The following PHTF1 variants were observed in gnomAD, a reference collection of about 807,000 sequenced individuals.
PHTF1 encodes the protein protein PHTF1.
A neutral mutation model predicts 102.4 loss-of-function variants in PHTF1; 88 were observed. The ratio of observed to expected loss-of-function variants is 0.86; its 90% CI spans 0.72 to 1.03. The LOEUF is 1.03. PHTF1 is among the 50% of genes least tolerant of loss of function. The pLI, the probability that PHTF1 is intolerant of heterozygous loss-of-function variation, is 0.00. For synonymous variants in PHTF1, 289 were observed against 305.2 expected (o/e 0.95, Z 0.55); for missense variants, 814 against 909.5 (o/e 0.89, Z 1.35).
chr1:113,711,880 G>A, intron 9 of PHTF1, 45 bp from the exon 10 acceptor site: 2 of 1,601,176 alleles, frequency 1.2e-6, no homozygotes, highest in Non-Finnish European at 1.7e-6. Context: ...TATGTTAAAT[G>A]CTTTGTTACT....
Position 113,702,110 on chromosome 1 carries a change from G to A in PHTF1, c.1891-1161C>T, listed in dbSNP as rs956315502. ...GGTTTTAAAATATATGTAAAATTAA[G>A]GTGAAGGACAATAATACAAAAGGTG... is the stretch of plus-strand genomic sequence containing the variant. On this transcript the variant is annotated intron_variant, in intron 15 of 18. Coordinates refer to ENST00000369604, the MANE Select transcript of PHTF1 (RefSeq NM_001323043.2). Among the ~76,000 whole-genome samples, 4 of 152,006 alleles carry A rather than the reference G, an allele frequency of 2.6e-5. No homozygotes were observed. In the South Asian group the frequency reaches 8.3e-4, roughly 32 times the overall value.
chr1:113,737,568 A>G (rs1426123772), intron 5 of PHTF1, among the ~76,000 whole-genome samples: 5 of 152,300 alleles, frequency 3.3e-5, no homozygotes, highest in Non-Finnish European at 5.9e-5. Flanking sequence ...CACATCTGTA[A>G]TCCCAACACT....
intron 17 of PHTF1, among the ~76,000 whole-genome samples, chr1:113,698,656 C>T (rs1029467370): frequency 2.0e-5 from 3 of 148,540 alleles, no homozygotes; most frequent in African/African-American, 5.0e-5. Flanking sequence ...CACACACACA[C>T]ACATACACAC....
At position 113,698,243 on chromosome 1, in the gene PHTF1, G is replaced by A. The variant is rs1649013800; in HGVS notation, c.2268+19C>T. ...TAATTTTTAAGACTAGGATGCTACA[G>A]AGTGGTGGTGATACTTACTCTTATA... is the stretch of plus-strand genomic sequence containing the variant. On this transcript the variant is annotated intron_variant, in intron 18 of 18. Transcript: ENST00000369604. The A allele has an allele frequency of 1.3e-6, 2 of 1,588,870 alleles. No individual in the cohort carries two copies. The highest frequency in any genetic ancestry group is 4.5e-5 in the East Asian group (2 of 44,442).
chr1:113,706,256 A>G lies in PHTF1; in HGVS notation c.1399-94T>C, dbSNP rs966559676. On this transcript the variant is annotated intron_variant, in intron 12 of 18. Coordinates refer to ENST00000369604, the MANE Select transcript of PHTF1 (RefSeq NM_001323043.2). ...AAACACTATTTAGACTATTAAAAACACATTCTAAAAGTATAAATACAAATG... is the reference window on the plus strand; with the variant it reads ...AAACACTATTTAGACTATTAAAAACGCATTCTAAAAGTATAAATACAAATG... The G allele has an allele frequency of 4.8e-6, 5 of 1,047,034 alleles. No individual in the cohort carries two copies. The Admixed American group carries it at 1.0e-4, about 21-fold the overall frequency. 64.9% of individuals were successfully genotyped at this position (1,047,034 alleles called of 1,614,324 possible).
In PHTF1 at chr1:113,726,538, A is replaced by T. The variant is rs754919943; in HGVS notation, c.368T>A (p.Val123Glu). ...AIVLYLMMPI[V>E]NISEVLGPLC... Reference sequence around the variant, plus strand: ...GGGTCCAAGTACTTCACTTATGTTCACAATAGGCATCATCAAATATAAGAC... The same window carrying T: ...GGGTCCAAGTACTTCACTTATGTTCTCAATAGGCATCATCAAATATAAGAC... The change falls in exon 6 of 19, where the codon GTG becomes GAG. Residue 123 changes from valine (V) to glutamate (E), a missense_variant. By Grantham distance (121) the Val-to-Glu change is moderately radical. Coordinates refer to ENST00000369604, the MANE Select transcript of PHTF1 (RefSeq NM_001323043.2). The T allele has an allele frequency of 1.9e-6, 3 of 1,602,380 alleles. No homozygotes were observed. In the South Asian group the frequency reaches 3.4e-5, roughly 18 times the overall value.
intron 5 of PHTF1, among the ~76,000 whole-genome samples, chr1:113,727,191 T>C (rs1415854395): frequency 2.0e-5 from 3 of 152,196 alleles, no homozygotes; most frequent in Non-Finnish European, 2.9e-5. Flanking sequence ...CTATACAAAC[T>C]ATTCCTGTGC....
intron 17 of PHTF1, 26 bp from the exon 18 acceptor site, chr1:113,698,413 A>G: frequency 1.9e-6 from 3 of 1,606,906 alleles, no homozygotes; most frequent in South Asian, 1.1e-5. Context: ...AAGAATTGAA[A>G]TGAGATACAT....
chr1:113,724,444 G>A (rs1006116518), intron 7 of PHTF1, among the ~76,000 whole-genome samples: 2 of 151,728 alleles, frequency 1.3e-5, no homozygotes, highest in Non-Finnish European at 1.5e-5. Context: ...AGAAGGCTGA[G>A]GCAGGAGAAT....
At chr1:113,757,658 A>T in intron 3 of PHTF1, 41 bp downstream of exon 3, 2 of 1,264,816 alleles carry the variant, frequency 1.6e-6, no homozygotes, top group Non-Finnish European at 2.3e-6. Context: ...TCTTCATATT[A>T]ATGCAGTGAA....
At chr1:113,738,004 A>G in intron 5 of PHTF1, 106 bp downstream of exon 5, 2 of 782,088 alleles carry the variant, frequency 2.6e-6, no homozygotes, top group South Asian at 3.5e-5. Flanking sequence ...TGTGTACTTT[A>G]AACTGTCAAA....
intron 5 of PHTF1, among the ~76,000 whole-genome samples, chr1:113,733,119 G>T (rs1157459890): frequency 7.7e-6 from 1 of 129,426 alleles, no homozygotes; most frequent in Non-Finnish European, 1.6e-5. Context: ...TTCCCAGGCT[G>T]GTCTCAAACT....
chr1:113,758,858 A>T, intron 1 of PHTF1, 125 bp from the exon 2 acceptor site: 1 of 1,315,100 alleles, frequency 7.6e-7, no homozygotes, highest in Admixed American at 3.7e-5. Context: ...GCTGTTTGCC[A>T]GGGAAAACAC....
intron 5 of PHTF1, among the ~76,000 whole-genome samples, chr1:113,727,675 T>A: frequency 1.3e-5 from 2 of 152,140 alleles, no homozygotes; most frequent in Admixed American, 6.6e-5. Flanking sequence ...TAATAAAGAA[T>A]TTGGTTGGCG....
intron 7 of PHTF1, among the ~76,000 whole-genome samples, chr1:113,716,802 A>T (rs1339064271): frequency 6.6e-6 from 1 of 152,230 alleles, no homozygotes; most frequent in Non-Finnish European, 1.5e-5. Context: ...CCTGCCTACA[A>T]GAAATGCAAA....
At chr1:113,711,610 G>A (rs372774858) in intron 10 of PHTF1, 136 bp downstream of exon 10, 13 of 636,208 alleles carry the variant, frequency 2.0e-5, no homozygotes, top group Middle Eastern at 4.2e-4. Context: ...GCTAGATAAG[G>A]AGATGGGTAA....
chr1:113,740,316 T>C (rs1464820575), intron 3 of PHTF1, among the ~76,000 whole-genome samples: 1 of 152,194 alleles, frequency 6.6e-6, no homozygotes, highest in African/African-American at 2.4e-5. Context: ...ATTTCCCTGA[T>C]GATTGGTGGT....
upstream of PHTF1, among the ~76,000 whole-genome samples, chr1:113,759,644 C>T (rs112834338): frequency 2.0e-5 from 3 of 152,180 alleles, no homozygotes; most frequent in African/African-American, 7.2e-5. Flanking sequence ...AGTCGCGCGG[C>T]ATATCGATGG....
chr1:113,705,673 T>C, intron 13 of PHTF1: 1 of 493,874 alleles, frequency 2.0e-6, no homozygotes, highest in East Asian at 3.5e-5. Flanking sequence ...AAGCCACTTA[T>C]TCTACACATG....
Sources: allele counts gnomAD v4.1 joint callset (sites outside exome capture counted in the v4.1 genomes callset), GRCh38; gene constraint gnomAD v4.1.1; transcripts MANE v1.5; gene names NCBI Gene and HGNC (gene_info 2026-07-23, HGNC 2026-07-21).